SHANK2: variants seen among roughly 807,000 people sequenced by gnomAD.
SHANK2 encodes SH3 and multiple ankyrin repeat domains 2, also known as SH3 and multiple ankyrin repeat domains protein 2.
SHANK2 carries 43 observed loss-of-function variants against 133.7 expected under a neutral mutation model. That is an observed-to-expected ratio of 0.32 (90% confidence interval 0.25 to 0.41). The LOEUF is 0.41. Ranked by LOEUF, SHANK2 falls within the 10% of genes least tolerant of loss-of-function variation. The pLI, the probability that SHANK2 is intolerant of heterozygous loss-of-function variation, is 1.00. For missense variants in SHANK2, 1,994 were observed against 2,235.8 expected, an observed-to-expected ratio of 0.89 and a Z score of 2.18; for synonymous variants, 1,017 against 952.8, an observed-to-expected ratio of 1.07 and a Z score of -1.24.
At chr11:71,100,231 A>G (rs1238321124) in intron 6 of SHANK2, among the ~76,000 whole-genome samples, 1 of 152,186 alleles carries the variant, frequency 6.6e-6, no homozygotes, top group Non-Finnish European at 1.5e-5. Context: ...CTAAAAACGC[A>G]CTTACTCCAC....
chr11:70,536,286 C>T lies in SHANK2; in HGVS notation c.2062-33355G>A, dbSNP rs1480804872. ...GTGGCGGGGTGTGGCGGGCTCATCA[C>T]GCTTGTTGTTTGTTAAAGTTCAACT... is the stretch of plus-strand genomic sequence containing the variant. On this transcript the variant is annotated intron_variant, in intron 17 of 25. Transcript: ENST00000601538. 1.6e-4 allele frequency among the ~76,000 whole-genome samples: 25 copies of T among 152,204 alleles called. No homozygotes were observed. The East Asian group carries it at 2.9e-3, about 18-fold the overall frequency.
At chr11:70,735,703 CA>C (rs5792532) in intron 14 of SHANK2, among the ~76,000 whole-genome samples, 16,446 of 106,994 alleles carry the variant, frequency 0.15, 1,732 homozygotes, top group African/African-American at 0.33. Flanking sequence ...GACTCTGTCT[CA>C]AAAAAAAAAA....
intron 2 of SHANK2, among the ~76,000 whole-genome samples, chr11:71,181,339 G>A (rs1304923975): frequency 1.3e-5 from 2 of 152,102 alleles, no homozygotes; most frequent in African/African-American, 2.4e-5. Flanking sequence ...TGGCCTTTAA[G>A]AATGGCAATG....
intron 11 of SHANK2, among the ~76,000 whole-genome samples, chr11:70,844,280 C>T (rs2135442002): frequency 6.6e-6 from 1 of 152,284 alleles, no homozygotes; most frequent in East Asian, 1.9e-4. Flanking sequence ...GTCAGCAGAG[C>T]ATGCCTTGAA....
At position 70,498,296 on chromosome 11, in the gene SHANK2, C is replaced by T. The variant is rs558672107; in HGVS notation, c.2308+2274G>A. ...GCGCCAGATGTTAGAGGACAGAAGC[C>T]GCGTGTGTTAGAAGCAGCGGCTGTT... On this transcript the variant is annotated intron_variant, in intron 21 of 25. Transcript: ENST00000601538. Among the ~76,000 whole-genome samples, 302 of 152,358 alleles carry T rather than the reference C, an allele frequency of 2.0e-3. 1 individual carries two copies. Among genetic ancestry groups the T allele is most frequent in the African/African-American group, 7.0e-3 (291 of 41,590 alleles).
At chr11:70,778,346 A>G (rs1332862023) in intron 14 of SHANK2, among the ~76,000 whole-genome samples, 1 of 152,204 alleles carries the variant, frequency 6.6e-6, no homozygotes, top group East Asian at 1.9e-4. Context: ...GTGGTAAGAA[A>G]GGGTGAAACT....
At chr11:70,727,773 C>T (rs951636959) in intron 14 of SHANK2, among the ~76,000 whole-genome samples, 4 of 152,210 alleles carry the variant, frequency 2.6e-5, no homozygotes, top group South Asian at 2.1e-4. Context: ...CAGCCCTACC[C>T]GCAAGCATTC....
intron 14 of SHANK2, among the ~76,000 whole-genome samples, chr11:70,794,387 G>T (rs1174432641): frequency 6.6e-6 from 1 of 152,030 alleles, no homozygotes; most frequent in Non-Finnish European, 1.5e-5. Context: ...CAAGTTGCAG[G>T]GTCTCATCTA....
intron 3 of SHANK2, among the ~76,000 whole-genome samples, chr11:71,124,370 A>G (rs2040264515): frequency 6.7e-6 from 1 of 150,304 alleles, no homozygotes; most frequent in Non-Finnish European, 1.5e-5. Flanking sequence ...CACTGCAATG[A>G]TGACAGTAGT....
chr11:70,865,600 G>A (rs930899853), intron 11 of SHANK2, among the ~76,000 whole-genome samples: 12 of 152,194 alleles, frequency 7.9e-5, no homozygotes, highest in East Asian at 5.8e-4. Context: ...TGGGGTGGCC[G>A]GGCAGGCTCA....
At chr11:70,677,408 C>G (rs1473118053) in intron 15 of SHANK2, among the ~76,000 whole-genome samples, 1 of 152,156 alleles carries the variant, frequency 6.6e-6, no homozygotes, top group African/African-American at 2.4e-5. Context: ...TCCTAGAACC[C>G]GGGCCACCAC....
At chr11:70,756,311 G>C (rs2134941180) in intron 14 of SHANK2, among the ~76,000 whole-genome samples, 1 of 152,250 alleles carries the variant, frequency 6.6e-6, no homozygotes, top group South Asian at 2.1e-4. Flanking sequence ...TGGGTTCTCT[G>C]AGCCTTAGAG....
At chr11:70,568,646 G>GGGGGGGGGGGGGCGGCCC in intron 17 of SHANK2, among the ~76,000 whole-genome samples, 1 of 80,042 alleles carries the variant, frequency 1.2e-5, no homozygotes, top group East Asian at 3.2e-4. Context: ...GCGGATTCCT[G>GGGGGGGGGGGGGCGGCCC]CCCCCCCCGC....
At chr11:71,105,240 T>C (rs1555097550) in intron 6 of SHANK2, among the ~76,000 whole-genome samples, 1 of 152,140 alleles carries the variant, frequency 6.6e-6, no homozygotes, top group African/African-American at 2.4e-5. Flanking sequence ...ACCCACTGTG[T>C]GATTTTAAGA....
intron 10 of SHANK2, among the ~76,000 whole-genome samples, chr11:70,913,492 TA>T (rs1950225069): frequency 6.6e-6 from 1 of 151,704 alleles, no homozygotes; most frequent in Non-Finnish European, 1.5e-5. Context: ...AACTGGCAGG[TA>T]AAAGTTCAGG....
chr11:71,228,359 T>A (rs1954678769), intron 1 of SHANK2, among the ~76,000 whole-genome samples: 1 of 152,222 alleles, frequency 6.6e-6, no homozygotes, highest in Non-Finnish European at 1.5e-5. Flanking sequence ...TAATACTAAT[T>A]CTACACAATT....
At chr11:71,247,510 G>GA (rs1954977707) in intron 1 of SHANK2, among the ~76,000 whole-genome samples, 2 of 146,754 alleles carry the variant, frequency 1.4e-5, no homozygotes, top group African/African-American at 5.0e-5. Context: ...TTCAGGGACA[G>GA]ACAAAAAAAA....
intron 14 of SHANK2, among the ~76,000 whole-genome samples, chr11:70,731,599 G>A (rs990734860): frequency 9.9e-5 from 15 of 152,162 alleles, no homozygotes; most frequent in Admixed American, 9.2e-4. Context: ...CCTTTTAAGG[G>A]CTGAATAATA....
At chr11:70,599,401 A>T (rs11559635) in intron 17 of SHANK2, among the ~76,000 whole-genome samples, 18,877 of 134,710 alleles carry the variant, frequency 0.14, 1,710 homozygotes, top group East Asian at 0.3. Context: ...AGGTCAGGAG[A>T]TCGAGACCAT....
Sources: allele counts gnomAD v4.1 joint callset (sites outside exome capture counted in the v4.1 genomes callset), GRCh38; gene constraint gnomAD v4.1.1; transcripts MANE v1.5; gene names NCBI Gene and HGNC (gene_info 2026-07-23, HGNC 2026-07-21).